The following USP5 variants were observed in gnomAD, a reference collection of about 807,000 sequenced individuals.
USP5 encodes ubiquitin carboxyl-terminal hydrolase 5.
USP5 carries 24 observed loss-of-function variants against 102.5 expected under a neutral mutation model. The observed-to-expected ratio is 0.23, with a 90% CI of 0.17 to 0.33. USP5 has a LOEUF of 0.33. Among genes scored for constraint, USP5 ranks in the 10% least tolerant of loss-of-function variants. The pLI, the probability that USP5 is intolerant of heterozygous loss-of-function variation, is 1.00. For synonymous variants in USP5, 460 were observed against 434.8 expected (o/e 1.06, Z -0.72); for missense variants, 753 against 1,122.1 (o/e 0.67, Z 4.70).
rs782670046 is a variant in USP5, at chr12:6,858,645, C to G, written c.1058+28C>G. On this transcript the variant is annotated intron_variant, in intron 8 of 19. Coordinates refer to ENST00000229268, the MANE Select transcript of USP5 (RefSeq NM_001098536.2). The surrounding 1 kb of genome is among the most constrained non-coding windows in gnomAD (Gnocchi z 4.2). Reference sequence around the variant, plus strand: ...GAGTAGTGCCCTCTCCTTCCCCAGGCCCCCTCCTGGTCAGCACCCTCTGGG... The same window carrying G: ...GAGTAGTGCCCTCTCCTTCCCCAGGGCCCCTCCTGGTCAGCACCCTCTGGG... 18 of 1,581,710 alleles carry G rather than the reference C, an allele frequency of 1.1e-5. No homozygotes were observed. The highest frequency in any genetic ancestry group is 1.1e-4 in the South Asian group (10 of 89,570).
chr12:6,856,591 C>G lies in USP5; in HGVS notation c.585-116C>G. ...GAAATGAACACGACATGGGGATGGC[C>G]AGAGGAGAAGAGAGAGAGACCTTGG... On this transcript the variant is annotated intron_variant, in intron 5 of 19. Transcript: ENST00000229268. This position sits in a 1 kb window ranked among gnomAD's most constrained non-coding sequence, Gnocchi z 5.6. 1 of 1,531,566 alleles carries G rather than the reference C, an allele frequency of 6.5e-7. No homozygotes were observed. 94.9% of individuals were successfully genotyped at this position (1,531,566 alleles called of 1,614,324 possible).
chr12:6,860,330 GAGCCCC>G lies in USP5; in HGVS notation c.1219-32_1219-27del, dbSNP rs1555129255. ...TAAAGAAGGCCCCTGGATGGCCACT[GAGCCCC>G]AGCTGAGTCCCTGCCCTGACTCTTC... On this transcript the variant is annotated intron_variant, in intron 10 of 19. Transcript: ENST00000229268. The surrounding 1 kb of genome is among the most constrained non-coding windows in gnomAD (Gnocchi z 5.5). 1.1e-5 allele frequency: 18 copies of G among 1,614,014 alleles called. No homozygotes were observed. The highest frequency in any genetic ancestry group is 1.5e-5 in the Non-Finnish European group (18 of 1,179,918).
At position 6,855,698 on chromosome 12, in the gene USP5, C is replaced by T. The variant is rs371427595; in HGVS notation, c.238-57C>T. ...CACTACCTCCTTCCGTCCCTCCTCC[C>T]GACTTGTTCCTTCGCTCGTGCTCAT... On this transcript the variant is annotated intron_variant, in intron 2 of 19. Transcript: ENST00000229268. This position sits in a 1 kb window ranked among gnomAD's most constrained non-coding sequence, Gnocchi z 4.6. 213 of 1,610,118 alleles carry T rather than the reference C, an allele frequency of 1.3e-4. 2 individuals are homozygous for T. The South Asian group carries it at 1.7e-3, about 13-fold the overall frequency.
rs373785473 is a variant in USP5, at chr12:6,855,525, C to T, written c.236C>T (p.Pro79Leu). 105 of 1,613,882 alleles carry T rather than the reference C, an allele frequency of 6.5e-5. No homozygotes were observed. The highest frequency in any genetic ancestry group is 1.8e-4 in the Admixed American group (11 of 60,000). ...VYLHLRRTRRPKEEDPATGTG... is the reference protein window; with the variant it reads ...VYLHLRRTRRLKEEDPATGTG... ...TTGCACCTCCGGCGGACCCGGCGCC[C>T]GGTAGGAGCAGGGCTGGGGCAAGGC... The change falls in exon 2 of 20, where the codon CCG (proline) becomes CTG (leucine). Residue 79 changes from proline (P) to leucine (L), a missense_variant and splice_region_variant. By Grantham distance (98) the Pro-to-Leu change is moderately conservative. Transcript: ENST00000229268. This position sits in a 1 kb window ranked among gnomAD's most constrained non-coding sequence, Gnocchi z 4.6.
Position 6,864,023 on chromosome 12 carries a change from A to T in USP5, c.2099-27A>T. 6.3e-7 allele frequency: 1 copy of T among 1,585,880 alleles called. No individual in the cohort carries two copies. On this transcript the variant is annotated intron_variant, in intron 16 of 19. Coordinates refer to ENST00000229268, the MANE Select transcript of USP5 (RefSeq NM_001098536.2). The surrounding 1 kb of genome is among the most constrained non-coding windows in gnomAD (Gnocchi z 4.8). Reference sequence around the variant, plus strand: ...GGGGCAGGGCCTCCATCCTCCCCCAAACACATCAACCCCTTCACATCCACA... The same window carrying T: ...GGGGCAGGGCCTCCATCCTCCCCCATACACATCAACCCCTTCACATCCACA...
chr12:6,860,952 G>C lies in USP5; in HGVS notation c.1345-1G>C. 1 of 1,614,034 alleles carries C rather than the reference G, an allele frequency of 6.2e-7. No individual in the cohort carries two copies. The highest frequency in any genetic ancestry group is 8.5e-7 in the Non-Finnish European group (1 of 1,180,002). On this transcript the variant is annotated splice_acceptor_variant, in intron 11 of 19. Coordinates refer to ENST00000229268, the MANE Select transcript of USP5 (RefSeq NM_001098536.2). LOFTEE classifies it high-confidence loss of function. This position sits in a 1 kb window ranked among gnomAD's most constrained non-coding sequence, Gnocchi z 5.5. The stretch of plus-strand genomic sequence containing the variant: ...CTCCCTACCCTGCCTCTTTCCCATA[G>C]AGGAATTGCCGGAGCTCTGAAAATC...
In USP5 at chr12:6,860,200, C is replaced by T. The variant is rs782402534; in HGVS notation, c.1180C>T (p.Pro394Ser). 2 of 1,608,372 alleles carry T rather than the reference C, an allele frequency of 1.2e-6. No homozygotes were observed. Among genetic ancestry groups the T allele is most frequent in the South Asian group, 2.2e-5 (2 of 90,550 alleles). ...LLSGEYSKPV[P>S]ESGDGERVPE... is the part of the protein sequence containing the mutation. ...CTCCGGGGAGTATTCCAAGCCAGTA[C>T]CGGAGTCGGGCGATGGGGAGCGGGT... The change falls in exon 10 of 20, where the codon CCG becomes TCG. Residue 394 changes from proline to serine, a missense_variant. Physicochemically the swap from Pro to Ser is moderately conservative, Grantham distance 74. Transcript: ENST00000229268. The surrounding 1 kb of genome is among the most constrained non-coding windows in gnomAD (Gnocchi z 5.5).
chr12:6,866,030 C>G lies in USP5; in HGVS notation c.2530C>G (p.Pro844Ala). 1 of 1,614,152 alleles carries G rather than the reference C, an allele frequency of 6.2e-7. No individual in the cohort carries two copies. The highest frequency in any genetic ancestry group is 8.5e-7 in the Non-Finnish European group (1 of 1,180,038). Reference protein sequence around the residue: ...DQKVCASEKPPKDLGYIYFYQ... With the variant: ...DQKVCASEKPAKDLGYIYFYQ... The stretch of plus-strand genomic sequence containing the variant: ...GAAAGTGTGTGCCTCCGAGAAGCCG[C>G]CCAAGGACCTGGGCTACATCTACTT... The change falls in exon 20 of 20, where the codon CCC becomes GCC. Residue 844 changes from proline to alanine, a missense_variant. This residue lies in a region of USP5 where 33 missense variants were observed against 75.3 expected (regional missense o/e 0.44). Transcript: ENST00000229268. This position sits in a 1 kb window ranked among gnomAD's most constrained non-coding sequence, Gnocchi z 4.7.
At chr12:6,857,798 G>A in intron 7 of USP5, 75 bp downstream of exon 7, 1 of 1,489,454 alleles carries the variant, frequency 6.7e-7, no homozygotes, top group Non-Finnish European at 9.3e-7. Flanking sequence ...CTGAGGCTGA[G>A]GTAGGGTTTT....
Position 6,858,579 on chromosome 12 carries a change from G to A in USP5, c.1020G>A (p.Val340=). The A allele has an allele frequency of 1.2e-6, 2 of 1,612,564 alleles. No homozygotes were observed. Among genetic ancestry groups the A allele is most frequent in the African/African-American group, 2.7e-5 (2 of 75,022 alleles). The change falls in exon 8 of 20, where the codon GTG becomes GTA. Residue 340 remains valine, a synonymous_variant. Transcript: ENST00000229268. This position sits in a 1 kb window ranked among gnomAD's most constrained non-coding sequence, Gnocchi z 4.2. ...GTAACAGCTGCTACCTCAACTCTGT[G>A]GTCCAGGTGCTCTTCAGCATCCCTG... ...NLGNSCYLNS[V]VQVLFSIPDF... is the part of the protein sequence containing the mutation.
In USP5 at chr12:6,864,525, G is replaced by T. The variant is rs782620941; in HGVS notation, c.2245-197G>T. Among the ~76,000 whole-genome samples, 1 of 152,086 alleles carries T rather than the reference G, an allele frequency of 6.6e-6. No individual in the cohort carries two copies. The highest frequency in any genetic ancestry group is 6.5e-5 in the Admixed American group (1 of 15,272). The stretch of plus-strand genomic sequence containing the variant: ...TAACACGGTGAAACCCCGTCTCTAC[G>T]AAAAATACAAAAAATTAACCAAGCG... On this transcript the variant is annotated intron_variant, in intron 17 of 19. Transcript: ENST00000229268. This position sits in a 1 kb window ranked among gnomAD's most constrained non-coding sequence, Gnocchi z 4.8.
In USP5 at chr12:6,858,734, A is replaced by G. The variant is rs1453474279; in HGVS notation, c.1058+117A>G. ...TGATTCTAGTCTTAGAGTAGTTCCT[A>G]TCGGCTGGGTGTGTTGGCCCACACC... is the stretch of plus-strand genomic sequence containing the variant. On this transcript the variant is annotated intron_variant, in intron 8 of 19. Coordinates refer to ENST00000229268, the MANE Select transcript of USP5 (RefSeq NM_001098536.2). This position sits in a 1 kb window ranked among gnomAD's most constrained non-coding sequence, Gnocchi z 4.2. The G allele has an allele frequency of 8.1e-6, 8 of 989,598 alleles. No individual in the cohort carries two copies. Among genetic ancestry groups the G allele is most frequent in the Admixed American group, 7.4e-5 (3 of 40,754 alleles). The allele number at this position is 989,598 out of a possible 1,614,324, so 61.3% of individuals were successfully genotyped here.
Position 6,857,594 on chromosome 12 carries a change from ACTTCCCCTG to A in USP5, c.770-34_770-26del, listed in dbSNP as rs781979855. The A allele has an allele frequency of 3.1e-6, 5 of 1,595,576 alleles. No individual in the cohort carries two copies. The East Asian group carries it at 1.1e-4, about 36-fold the overall frequency. ...ATGGTGGCCTGGCTAGTCCTGAGCCACTTCCCCTGATTCTCTTCCTGCCTCCTGCTCTAG... is the reference window on the plus strand; with the variant it reads ...ATGGTGGCCTGGCTAGTCCTGAGCCAATTCTCTTCCTGCCTCCTGCTCTAG... On this transcript the variant is annotated intron_variant, in intron 6 of 19. Coordinates refer to ENST00000229268, the MANE Select transcript of USP5 (RefSeq NM_001098536.2).
At position 6,866,291 on chromosome 12, in the gene USP5, G is replaced by A; in HGVS notation, c.*214G>A. On this transcript the variant is annotated 3_prime_UTR_variant, in exon 20 of 20. Coordinates refer to ENST00000229268, the MANE Select transcript of USP5 (RefSeq NM_001098536.2). The surrounding 1 kb of genome is among the most constrained non-coding windows in gnomAD (Gnocchi z 4.7). ...ATGGAGCAGGACGGGGACGGGAGGG[G>A]CCGGCCACCTGTCTGTAAGGAGACT... 1.8e-6 allele frequency: 1 copy of A among 548,212 alleles called. No homozygotes were observed. The highest frequency in any genetic ancestry group is 3.3e-6 in the Non-Finnish European group (1 of 304,820). The allele number at this position is 548,212 out of a possible 1,614,324, so 34.0% of individuals were successfully genotyped here.
intron 1 of USP5, among the ~76,000 whole-genome samples, chr12:6,852,742 C>T (rs1033332452): frequency 6.6e-6 from 1 of 152,130 alleles, no homozygotes; most frequent in Non-Finnish European, 1.5e-5. Context: ...ACCGCAGTTC[C>T]TAGGCGGTTA....
chr12:6,855,322 T>A lies in USP5; in HGVS notation c.112-79T>A. 1.3e-6 allele frequency: 2 copies of A among 1,571,296 alleles called. No individual in the cohort carries two copies. Among genetic ancestry groups the A allele is most frequent in the Non-Finnish European group, 1.7e-6 (2 of 1,156,274 alleles). On this transcript the variant is annotated intron_variant, in intron 1 of 19. Transcript: ENST00000229268. The surrounding 1 kb of genome is among the most constrained non-coding windows in gnomAD (Gnocchi z 4.6). The stretch of plus-strand genomic sequence containing the variant: ...ATTTCTTCTGGAACCCAGCAGTTTC[T>A]GACTCCAGGTTTTGGTTTCCTCACC...
chr12:6,859,800 A>G (rs995699546), intron 9 of USP5, among the ~76,000 whole-genome samples: 1 of 152,116 alleles, frequency 6.6e-6, no homozygotes, highest in Non-Finnish European at 1.5e-5. Flanking sequence ...CTACAGGCAC[A>G]TGCCACCACG....
chr12:6,856,595 G>A lies in USP5; in HGVS notation c.585-112G>A. Reference sequence around the variant, plus strand: ...TGAACACGACATGGGGATGGCCAGAGGAGAAGAGAGAGAGACCTTGGATTG... The same window carrying A: ...TGAACACGACATGGGGATGGCCAGAAGAGAAGAGAGAGAGACCTTGGATTG... On this transcript the variant is annotated intron_variant, in intron 5 of 19. Coordinates refer to ENST00000229268, the MANE Select transcript of USP5 (RefSeq NM_001098536.2). This position sits in a 1 kb window ranked among gnomAD's most constrained non-coding sequence, Gnocchi z 5.6. 6.5e-7 allele frequency: 1 copy of A among 1,535,520 alleles called. No homozygotes were observed.
Position 6,864,681 on chromosome 12 carries a change from TC to T in USP5, c.2245-39del. 6.3e-7 allele frequency: 1 copy of T among 1,581,490 alleles called. No individual in the cohort carries two copies. The highest frequency in any genetic ancestry group is 8.6e-7 in the Non-Finnish European group (1 of 1,167,948). The stretch of plus-strand genomic sequence containing the variant: ...TCCAGCCTGGGCGACAGAGCAAGAC[TC>T]CGTCTCAAGAAAAAAAGTAATGCTT... On this transcript the variant is annotated intron_variant, in intron 17 of 19. Coordinates refer to ENST00000229268, the MANE Select transcript of USP5 (RefSeq NM_001098536.2). This position sits in a 1 kb window ranked among gnomAD's most constrained non-coding sequence, Gnocchi z 4.8.
Sources: gnomAD v4.1 joint callset for allele counts (sites outside exome capture counted in the v4.1 genomes callset) on GRCh38, gnomAD v4.1.1 for gene constraint, gnomAD v4.1.1 regional missense constraint, Gnocchi (gnomAD v3.1) non-coding constraint, MANE v1.5 for transcripts, NCBI Gene and HGNC (gene_info 2026-07-23, HGNC 2026-07-21) for gene names.